Variants in SIM1 observed in about 807,000 individuals in gnomAD.
SIM1 encodes single-minded homolog 1.
Under a neutral mutation model 78.2 loss-of-function variants are expected in SIM1, and 18 were observed. The observed-to-expected ratio is 0.23, with a 90% CI of 0.16 to 0.34. The LOEUF is 0.34. SIM1 is among the 10% of genes least tolerant of loss of function. The probability of loss-of-function intolerance (pLI) is 1.00; values close to 1 mark genes in which losing one functional copy is unlikely to be tolerated. For synonymous variants in SIM1, 417 were observed against 385.2 expected (o/e 1.08, Z -0.97); for missense variants, 939 against 975.1 (o/e 0.96, Z 0.49).
chr6:100,425,201 C>T (rs954175097), intron 9 of SIM1, among the ~76,000 whole-genome samples: 4 of 152,148 alleles, frequency 2.6e-5, no homozygotes, highest in Non-Finnish European at 5.9e-5. Context: ...TTTTACCTCC[C>T]GCCATGATTC....
At chr6:100,394,229 T>C (rs145185558) in intron 10 of SIM1, among the ~76,000 whole-genome samples, 150 of 152,220 alleles carry the variant, frequency 9.9e-4, no homozygotes, top group African/African-American at 3.5e-3. Flanking sequence ...ATGGCGCTAT[T>C]AGTATCCCCA....
chr6:100,404,539 T>C (rs1771005622), intron 10 of SIM1, among the ~76,000 whole-genome samples: 1 of 152,128 alleles, frequency 6.6e-6, no homozygotes, highest in Non-Finnish European at 1.5e-5. Flanking sequence ...TTAAATCACT[T>C]TTATCTTTTT....
intron 3 of SIM1, among the ~76,000 whole-genome samples, chr6:100,451,303 T>C (rs979751041): frequency 1.6e-4 from 25 of 152,120 alleles, no homozygotes; most frequent in Admixed American, 1.6e-3. Flanking sequence ...GAAAGAGCAT[T>C]CTAGGCAGAA....
intron 2 of SIM1, among the ~76,000 whole-genome samples, chr6:100,455,888 A>G (rs1772638794): frequency 6.6e-6 from 1 of 152,208 alleles, no homozygotes; most frequent in African/African-American, 2.4e-5. Flanking sequence ...CTCGGGATAA[A>G]TACTAGTTCT....
At chr6:100,395,720 C>G (rs923883979) in intron 10 of SIM1, among the ~76,000 whole-genome samples, 1 of 152,194 alleles carries the variant, frequency 6.6e-6, no homozygotes, top group Non-Finnish European at 1.5e-5. Context: ...CCCCTCACCA[C>G]TAGGCCCACC....
intron 2 of SIM1, among the ~76,000 whole-genome samples, chr6:100,456,114 T>C (rs753936494): frequency 1.3e-5 from 2 of 151,916 alleles, no homozygotes; most frequent in Non-Finnish European, 2.9e-5. Flanking sequence ...CTGTTCCCCG[T>C]AGAAATCTTA....
At chr6:100,457,518 T>A (rs554303084) in intron 2 of SIM1, among the ~76,000 whole-genome samples, 1 of 152,298 alleles carries the variant, frequency 6.6e-6, no homozygotes, top group Admixed American at 6.5e-5. Context: ...ATCCCATGTA[T>A]CCTGCCGGGC....
chr6:100,450,449 A>G, intron 3 of SIM1, 93 bp from the exon 4 acceptor site: 1 of 1,100,116 alleles, frequency 9.1e-7, no homozygotes, highest in Non-Finnish European at 1.4e-6. Context: ...TTCAGCCAAA[A>G]GTGTAGAGAG....
intron 2 of SIM1, among the ~76,000 whole-genome samples, chr6:100,460,825 T>C (rs1262565697): frequency 2.6e-5 from 4 of 152,168 alleles, no homozygotes; most frequent in East Asian, 3.8e-4. Context: ...TGTTGTTCTT[T>C]AATATTTTAA....
At chr6:100,420,442 C>T (rs1293247657) in intron 10 of SIM1, among the ~76,000 whole-genome samples, 5 of 152,124 alleles carry the variant, frequency 3.3e-5, no homozygotes, top group East Asian at 1.9e-4. Flanking sequence ...TTTTCTACAT[C>T]GAGCTCTTGT....
chr6:100,393,168 T>C (rs990430034), intron 11 of SIM1, among the ~76,000 whole-genome samples: 7 of 152,070 alleles, frequency 4.6e-5, no homozygotes, highest in African/African-American at 7.2e-5. Flanking sequence ...AGCACGAAAA[T>C]ACAAAAGAAA....
chr6:100,429,657 T>C (rs987859556), intron 9 of SIM1, among the ~76,000 whole-genome samples: 4 of 152,202 alleles, frequency 2.6e-5, no homozygotes. Flanking sequence ...TAAAGATGTC[T>C]TTCATCTTCT....
chr6:100,414,073 G>T (rs1771335564), intron 10 of SIM1, among the ~76,000 whole-genome samples: 1 of 152,222 alleles, frequency 6.6e-6, no homozygotes, highest in Non-Finnish European at 1.5e-5. Context: ...TACATTTGGG[G>T]TTATAAGGAA....
chr6:100,453,620 G>C, intron 3 of SIM1, 142 bp downstream of exon 3: 1 of 631,648 alleles, frequency 1.6e-6, no homozygotes, highest in Non-Finnish European at 2.7e-6. Flanking sequence ...AGAGGGCCAC[G>C]TGCAGTCCGG....
At chr6:100,441,465 C>T (rs1322103235) in intron 9 of SIM1, among the ~76,000 whole-genome samples, 1 of 152,346 alleles carries the variant, frequency 6.6e-6, no homozygotes, top group South Asian at 2.1e-4. Flanking sequence ...AAGAAATACA[C>T]CCCTGCCACA....
chr6:100,431,696 G>A (rs1320546128), intron 9 of SIM1, among the ~76,000 whole-genome samples: 2 of 152,118 alleles, frequency 1.3e-5, no homozygotes, highest in Non-Finnish European at 2.9e-5. Flanking sequence ...TAACAACAGA[G>A]CCCGTTACCA....
Position 100,393,582 on chromosome 6 carries a change from G to A in SIM1, c.1475C>T (p.Ser492Phe). The change falls in exon 11 of 12, where the codon TCT becomes TTT. Residue 492 changes from serine (S) to phenylalanine (F), a missense_variant. Transcript: ENST00000369208. ...CTTTGTCAGGGGCAAGGCTGCGCGAGAGCCCCACCAGGGCTCCCTCCCGGC... is the reference window on the plus strand; with the variant it reads ...CTTTGTCAGGGGCAAGGCTGCGCGAAAGCCCCACCAGGGCTCCCTCCCGGC... ...PQAGREPWWG[S>F]RAALPLTKAS... The A allele has an allele frequency of 1.9e-6, 3 of 1,613,578 alleles. No individual in the cohort carries two copies. Among genetic ancestry groups the A allele is most frequent in the Non-Finnish European group, 2.5e-6 (3 of 1,179,542 alleles).
At position 100,393,779 on chromosome 6, in the gene SIM1, A is replaced by G; in HGVS notation, c.1278T>C (p.Pro426=). ...CGCACGATGCGTCGTGCTGGGAGCC[A>G]GGCCTATCGGCGGGGTCCAGAAGCT... ...SPQLLDPADR[P]GSQHDASCAY... is the part of the protein sequence containing the mutation. The change falls in exon 11 of 12, where the codon CCT becomes CCC. Residue 426 remains proline, a synonymous_variant. Coordinates refer to ENST00000369208, the MANE Select transcript of SIM1 (RefSeq NM_005068.3). 1 of 1,614,180 alleles carries G rather than the reference A, an allele frequency of 6.2e-7. No individual in the cohort carries two copies. The highest frequency in any genetic ancestry group is 8.5e-7 in the Non-Finnish European group (1 of 1,180,008).
At chr6:100,402,540 T>G (rs1414061066) in intron 10 of SIM1, among the ~76,000 whole-genome samples, 1 of 150,454 alleles carries the variant, frequency 6.6e-6, no homozygotes, top group African/African-American at 2.4e-5. Context: ...CCTTTCTTGG[T>G]ATTGACATTA....
Sources: allele counts gnomAD v4.1 joint callset (sites outside exome capture counted in the v4.1 genomes callset), GRCh38; gene constraint gnomAD v4.1.1; transcripts MANE v1.5; gene names NCBI Gene and HGNC (gene_info 2026-07-23, HGNC 2026-07-21).